KCTD9: variants seen among roughly 807,000 people sequenced by gnomAD.
KCTD9 encodes the protein potassium channel tetramerization domain containing 9.
Under a neutral mutation model 53.3 loss-of-function variants are expected in KCTD9, and 17 were observed. The ratio of observed to expected loss-of-function variants is 0.32; its 90% confidence interval spans 0.22 to 0.48. The LOEUF (loss-of-function observed/expected upper bound fraction) is 0.48, where lower values mean the gene tolerates loss of function less well. Among genes scored for constraint, KCTD9 ranks in the 20% least tolerant of loss-of-function variants. The pLI is 0.99. For synonymous variants in KCTD9, 128 were observed against 162.7 expected (o/e 0.79, Z 1.62); for missense variants, 179 against 465.5 (o/e 0.38, Z 5.66).
intron 3 of KCTD9, among the ~76,000 whole-genome samples, chr8:25,442,588 A>G (rs1473012701): frequency 6.6e-6 from 1 of 152,204 alleles, no homozygotes; most frequent in Non-Finnish European, 1.5e-5. Context: ...TTCTCATAGT[A>G]TCTTGGAGAG....
At chr8:25,436,384 A>G (rs1802019031) in intron 7 of KCTD9, 34 bp downstream of exon 7, 2 of 1,598,408 alleles carry the variant, frequency 1.3e-6, no homozygotes, top group Non-Finnish European at 1.7e-6. Context: ...AGCTACAATG[A>G]ATGTAACACT....
At chr8:25,446,896 G>C (rs1802223547) in intron 1 of KCTD9, among the ~76,000 whole-genome samples, 1 of 152,084 alleles carries the variant, frequency 6.6e-6, no homozygotes, top group Non-Finnish European at 1.5e-5. Context: ...CAAACAGCTG[G>C]GTGACAATGA....
chr8:25,440,496 G>T, intron 4 of KCTD9, 81 bp downstream of exon 4: 1 of 931,636 alleles, frequency 1.1e-6, no homozygotes, highest in Non-Finnish European at 1.8e-6. Context: ...TATCTTTTAA[G>T]GAAATCAGCA....
chr8:25,453,140 A>G (rs1053625584), intron 1 of KCTD9, among the ~76,000 whole-genome samples: 1 of 152,160 alleles, frequency 6.6e-6, no homozygotes, highest in African/African-American at 2.4e-5. Flanking sequence ...AGGCGGGCAG[A>G]TCAGGAGGTC....
At chr8:25,453,918 TC>T (rs1271546835) in intron 1 of KCTD9, among the ~76,000 whole-genome samples, 1 of 152,224 alleles carries the variant, frequency 6.6e-6, no homozygotes, top group Non-Finnish European at 1.5e-5. Flanking sequence ...AAGTGGGCCC[TC>T]ACTAGGTTCT....
At chr8:25,457,344 A>G (rs4872313) in intron 1 of KCTD9, 609,831 of 982,852 alleles carry the variant, frequency 0.62, 192,170 homozygotes, top group East Asian at 0.65. Flanking sequence ...ATCATTTAGC[A>G]ACGCAATAAA....
intron 1 of KCTD9, among the ~76,000 whole-genome samples, chr8:25,453,943 C>A (rs1316160115): frequency 6.6e-6 from 1 of 152,140 alleles, no homozygotes; most frequent in Non-Finnish European, 1.5e-5. Context: ...TAATGTTTAG[C>A]CTTCAGAGGC....
chr8:25,452,903 A>G (rs79835432), intron 1 of KCTD9, among the ~76,000 whole-genome samples: 6,415 of 152,256 alleles, frequency 0.042, 182 homozygotes, highest in South Asian at 0.1. Context: ...ATGATGGCTC[A>G]TGCCTGTAGT....
At chr8:25,431,267 A>C (rs1000770351) in intron 11 of KCTD9, among the ~76,000 whole-genome samples, 9 of 152,160 alleles carry the variant, frequency 5.9e-5, no homozygotes, top group Non-Finnish European at 1.5e-5. Context: ...AGATTTTTCC[A>C]TTCCCTAGCC....
At chr8:25,441,223 C>G (rs17201702) in intron 3 of KCTD9, among the ~76,000 whole-genome samples, 8,429 of 150,142 alleles carry the variant, frequency 0.056, 312 homozygotes, top group Non-Finnish European at 0.081. Flanking sequence ...TTTAATAGAC[C>G]AGAATATATC....
chr8:25,444,043 C>T (rs1399362720), intron 3 of KCTD9, among the ~76,000 whole-genome samples: 1 of 152,148 alleles, frequency 6.6e-6, no homozygotes, highest in East Asian at 1.9e-4. Flanking sequence ...TACTATGTTA[C>T]AGTTAATGAA....
Position 25,451,788 on chromosome 8 carries a change from C to A in KCTD9, c.49-5538G>T, listed in dbSNP as rs942492029. Among the ~76,000 whole-genome samples, 4 of 152,208 alleles carry A rather than the reference C, an allele frequency of 2.6e-5. No homozygotes were observed. In the East Asian group the frequency reaches 7.7e-4, roughly 29 times the overall value. ...ATTTAAATTTAAAAATTAAAACCTG[C>A]ACATGCATGTAAAATATTTTTTTCT... On this transcript the variant is annotated intron_variant, in intron 1 of 11. Coordinates refer to ENST00000221200, the MANE Select transcript of KCTD9 (RefSeq NM_017634.4).
intron 2 of KCTD9, among the ~76,000 whole-genome samples, chr8:25,445,125 T>A (rs1262862926): frequency 6.6e-6 from 1 of 152,196 alleles, no homozygotes; most frequent in African/African-American, 2.4e-5. Flanking sequence ...GAGATACATA[T>A]TGAAAAACTA....
intron 1 of KCTD9, among the ~76,000 whole-genome samples, chr8:25,449,433 C>T (rs1802277290): frequency 6.6e-6 from 1 of 152,146 alleles, no homozygotes; most frequent in Admixed American, 6.5e-5. Context: ...AAAATAGATG[C>T]AAGTTGAATG....
At chr8:25,445,676 G>A (rs1214195746) in intron 2 of KCTD9, among the ~76,000 whole-genome samples, 1 of 151,988 alleles carries the variant, frequency 6.6e-6, no homozygotes, top group Non-Finnish European at 1.5e-5. Context: ...CTATAATTAT[G>A]GTGGATCACT....
intron 1 of KCTD9, among the ~76,000 whole-genome samples, chr8:25,450,094 T>C (rs1447894496): frequency 6.6e-6 from 1 of 152,206 alleles, no homozygotes; most frequent in Non-Finnish European, 1.5e-5. Context: ...GTAAAACTAC[T>C]AAGGAGCACA....
chr8:25,448,784 G>A (rs1333756417), intron 1 of KCTD9, among the ~76,000 whole-genome samples: 3 of 151,912 alleles, frequency 2.0e-5, no homozygotes, highest in Admixed American at 6.6e-5. Context: ...GCGTGGTGGC[G>A]TGTGCCTGTA....
intron 6 of KCTD9, among the ~76,000 whole-genome samples, chr8:25,437,975 C>A (rs559837303): frequency 1.3e-5 from 2 of 151,262 alleles, no homozygotes; most frequent in African/African-American, 2.4e-5. Context: ...CTTGGGGCAA[C>A]CTGTAGGCAA....
intron 1 of KCTD9, among the ~76,000 whole-genome samples, chr8:25,457,937 C>T (rs1228145885): frequency 6.6e-6 from 1 of 150,850 alleles, no homozygotes; most frequent in East Asian, 2.0e-4. Flanking sequence ...CCGCACCAAG[C>T]ATCCGGGAGA....
Sources: allele counts gnomAD v4.1 joint callset (sites outside exome capture counted in the v4.1 genomes callset), GRCh38; gene constraint gnomAD v4.1.1; transcripts MANE v1.5; gene names NCBI Gene and HGNC (gene_info 2026-07-23, HGNC 2026-07-21).